The following RBMS3 variants were observed in gnomAD, a reference collection of about 807,000 sequenced individuals.
The protein encoded by RBMS3 is RNA-binding motif, single-stranded-interacting protein 3.
A neutral mutation model predicts 66.8 loss-of-function variants in RBMS3; 27 were observed. The ratio of observed to expected loss-of-function variants is 0.40; its 90% CI spans 0.30 to 0.56. RBMS3 has a LOEUF of 0.56. Ranked by LOEUF, RBMS3 falls within the 20% of genes least tolerant of loss-of-function variation. RBMS3 has a pLI of 0.40. For missense variants in RBMS3, 513 were observed against 549.5 expected (o/e 0.93, Z 0.66); for synonymous variants, 188 against 183.0 (o/e 1.03, Z -0.22).
At chr3:29,516,386 C>T (rs1394647595) in intron 3 of RBMS3, among the ~76,000 whole-genome samples, 1 of 152,126 alleles carries the variant, frequency 6.6e-6, no homozygotes, top group South Asian at 2.1e-4. Context: ...GATGAAATCA[C>T]TAAGAAAACA....
intron 4 of RBMS3, among the ~76,000 whole-genome samples, chr3:29,713,652 A>T (rs770746501): frequency 2.0e-5 from 3 of 152,168 alleles, no homozygotes; most frequent in Non-Finnish European, 4.4e-5. Flanking sequence ...TGAGTAAGAA[A>T]ATGTTTTATA....
At chr3:29,864,797 C>T (rs943976977) in intron 6 of RBMS3, among the ~76,000 whole-genome samples, 20 of 124,990 alleles carry the variant, frequency 1.6e-4, no homozygotes, top group Non-Finnish European at 3.1e-4. Context: ...AAATGAGTCA[C>T]AGAAATGTAA....
At chr3:29,848,607 A>G (rs185386136) in intron 6 of RBMS3, among the ~76,000 whole-genome samples, 1 of 152,386 alleles carries the variant, frequency 6.6e-6, no homozygotes, top group African/African-American at 2.4e-5. Context: ...ATGCTGAATC[A>G]GACAATATGG....
At chr3:29,565,502 T>C (rs2046710994) in intron 3 of RBMS3, among the ~76,000 whole-genome samples, 1 of 152,174 alleles carries the variant, frequency 6.6e-6, no homozygotes, top group Non-Finnish European at 1.5e-5. Context: ...AGCTATGAGC[T>C]CACCTATTTT....
intron 4 of RBMS3, among the ~76,000 whole-genome samples, chr3:29,627,909 G>T (rs758073037): frequency 1.3e-5 from 2 of 152,044 alleles, no homozygotes; most frequent in African/African-American, 4.8e-5. Flanking sequence ...AGATATGAGG[G>T]GGTAACTTGA....
At chr3:29,479,352 T>C (rs1047648579) in intron 2 of RBMS3, among the ~76,000 whole-genome samples, 1 of 150,850 alleles carries the variant, frequency 6.6e-6, no homozygotes, top group African/African-American at 2.4e-5. Context: ...AATCCAATCA[T>C]TAGTGGGTGT....
At chr3:29,869,604 T>C (rs1223703730) in intron 7 of RBMS3, among the ~76,000 whole-genome samples, 1 of 152,106 alleles carries the variant, frequency 6.6e-6, no homozygotes, top group Admixed American at 6.6e-5. Context: ...CCATTTACCC[T>C]CAATACAAAC....
At chr3:29,539,218 C>T (rs892795396) in intron 3 of RBMS3, among the ~76,000 whole-genome samples, 7 of 151,794 alleles carry the variant, frequency 4.6e-5, no homozygotes, top group Non-Finnish European at 8.8e-5. Flanking sequence ...AATACATTGT[C>T]GATGCAAAAA....
chr3:29,547,104 T>C lies in RBMS3; in HGVS notation c.308-40010T>C, dbSNP rs1293149488. 2.6e-5 allele frequency among the ~76,000 whole-genome samples: 4 copies of C among 152,098 alleles called. No homozygotes were observed. The East Asian group carries it at 7.7e-4, about 29-fold the overall frequency. On this transcript the variant is annotated intron_variant, in intron 3 of 14. Transcript: ENST00000383767. ...GATCCTCCCATCTCAGCCTTTCAAGTAGCTGGGACTACAGGCACATCACCA... is the reference window on the plus strand; with the variant it reads ...GATCCTCCCATCTCAGCCTTTCAAGCAGCTGGGACTACAGGCACATCACCA...
chr3:29,857,820 T>A (rs893944214), intron 6 of RBMS3, among the ~76,000 whole-genome samples: 24 of 152,034 alleles, frequency 1.6e-4, no homozygotes, highest in African/African-American at 5.3e-4. Flanking sequence ...CTGACCTCAA[T>A]CAAATCAAAT....
At chr3:29,705,693 A>T in intron 4 of RBMS3, among the ~76,000 whole-genome samples, 1 of 152,262 alleles carries the variant, frequency 6.6e-6, no homozygotes, top group South Asian at 2.1e-4. Flanking sequence ...CCTCCTATGC[A>T]ACCTCAATTC....
intron 2 of RBMS3, among the ~76,000 whole-genome samples, chr3:29,436,219 A>C (rs904232540): frequency 1.3e-5 from 2 of 152,184 alleles, no homozygotes; most frequent in Non-Finnish European, 2.9e-5. Context: ...AAAGCAGAAA[A>C]TATTTATTTG....
At chr3:29,921,394 C>T (rs1205660969) in intron 10 of RBMS3, among the ~76,000 whole-genome samples, 9 of 149,846 alleles carry the variant, frequency 6.0e-5, no homozygotes, top group Admixed American at 5.4e-4. Flanking sequence ...ATAAAATACC[C>T]ACTATAGTCA....
chr3:29,795,690 C>T (rs2057161734), intron 6 of RBMS3, among the ~76,000 whole-genome samples: 1 of 152,150 alleles, frequency 6.6e-6, no homozygotes, highest in Non-Finnish European at 1.5e-5. Context: ...ATATCTTAGA[C>T]TCATCTTTCT....
At chr3:29,456,873 T>C (rs1387867580) in intron 2 of RBMS3, among the ~76,000 whole-genome samples, 1 of 152,192 alleles carries the variant, frequency 6.6e-6, no homozygotes, top group Non-Finnish European at 1.5e-5. Flanking sequence ...TTTAAAAGTA[T>C]ATAACTAACT....
At chr3:29,404,023 T>C (rs1387912016) in intron 1 of RBMS3, among the ~76,000 whole-genome samples, 2 of 152,108 alleles carry the variant, frequency 1.3e-5, no homozygotes, top group African/African-American at 2.4e-5. Context: ...GAATATTCTG[T>C]ACAGACACCA....
intron 5 of RBMS3, among the ~76,000 whole-genome samples, chr3:29,757,909 AGTT>A (rs2149375882): frequency 6.6e-6 from 1 of 152,278 alleles, no homozygotes; most frequent in South Asian, 2.1e-4. Context: ...GATCCAATCC[AGTT>A]ACTATATTGT....
chr3:29,863,834 T>C (rs1032032269), intron 6 of RBMS3, among the ~76,000 whole-genome samples: 1 of 152,202 alleles, frequency 6.6e-6, no homozygotes. Flanking sequence ...CATTGTTATT[T>C]GGTAATATTT....
At chr3:29,386,356 C>T (rs932601572) in intron 1 of RBMS3, among the ~76,000 whole-genome samples, 1 of 151,902 alleles carries the variant, frequency 6.6e-6, no homozygotes, top group Non-Finnish European at 1.5e-5. Context: ...ATATTTATTC[C>T]AGCTGTTAAC....
Sources: allele counts gnomAD v4.1 joint callset (sites outside exome capture counted in the v4.1 genomes callset), GRCh38; gene constraint gnomAD v4.1.1; transcripts MANE v1.5; gene names NCBI Gene and HGNC (gene_info 2026-07-23, HGNC 2026-07-21).